Variants in SLC25A24 observed in about 807,000 individuals in gnomAD.
The protein encoded by SLC25A24 is solute carrier family 25 member 24.
SLC25A24 carries 49 observed loss-of-function variants against 60.7 expected under a neutral mutation model. The ratio of observed to expected loss-of-function variants is 0.81; its 90% CI spans 0.64 to 1.02. SLC25A24 has a LOEUF of 1.02. Ranked by LOEUF, SLC25A24 falls within the 50% of genes least tolerant of loss-of-function variation. The probability of loss-of-function intolerance (pLI) is 0.00; values close to 1 mark genes in which losing one functional copy is unlikely to be tolerated. For synonymous variants in SLC25A24, 202 were observed against 200.6 expected, an observed-to-expected ratio of 1.01 and a Z score of -0.06; for missense variants, 564 against 586.3, an observed-to-expected ratio of 0.96 and a Z score of 0.39.
chr1:108,141,652 T>C (rs1679445373), intron 8 of SLC25A24, among the ~76,000 whole-genome samples: 1 of 152,158 alleles, frequency 6.6e-6, no homozygotes, highest in Admixed American at 6.6e-5. Context: ...AAATGTGATA[T>C]ATATACCCAA....
At chr1:108,166,526 C>G (rs1167642278) in intron 3 of SLC25A24, among the ~76,000 whole-genome samples, 12 of 148,968 alleles carry the variant, frequency 8.1e-5, no homozygotes, top group East Asian at 4.0e-4. Flanking sequence ...CTTCCCTTCT[C>G]GCTTCATTTC....
At chr1:108,168,560 C>G (rs1187632553) in intron 3 of SLC25A24, among the ~76,000 whole-genome samples, 1 of 152,302 alleles carries the variant, frequency 6.6e-6, no homozygotes, top group Non-Finnish European at 1.5e-5. Flanking sequence ...ATAAGATAGT[C>G]TTGCTGTGGG....
intron 1 of SLC25A24, among the ~76,000 whole-genome samples, chr1:108,189,548 C>G (rs1306652197): frequency 6.6e-6 from 1 of 151,990 alleles, no homozygotes; most frequent in Admixed American, 6.5e-5. Context: ...CGCATGGTGG[C>G]TCACGCCTGT....
chr1:108,177,474 G>A (rs1199373860), intron 3 of SLC25A24, among the ~76,000 whole-genome samples: 1 of 152,114 alleles, frequency 6.6e-6, no homozygotes, highest in Non-Finnish European at 1.5e-5. Context: ...CAGTGTCTGA[G>A]TGGATTAAAA....
intron 6 of SLC25A24, among the ~76,000 whole-genome samples, chr1:108,153,714 T>C (rs1049992381): frequency 2.6e-5 from 4 of 152,146 alleles, no homozygotes; most frequent in African/African-American, 9.7e-5. Context: ...CACAATACTA[T>C]AAAGAGGTCT....
At chr1:108,187,538 G>C (rs1648174073) in intron 1 of SLC25A24, among the ~76,000 whole-genome samples, 1 of 152,062 alleles carries the variant, frequency 6.6e-6, no homozygotes. Flanking sequence ...AAATATGAAA[G>C]TGAGATAACA....
intron 3 of SLC25A24, among the ~76,000 whole-genome samples, chr1:108,170,891 T>C (rs1373169137): frequency 6.6e-6 from 1 of 152,116 alleles, no homozygotes; most frequent in Non-Finnish European, 1.5e-5. Flanking sequence ...TCTTCTAACT[T>C]ACTCGTCACC....
rs1317265779 is a variant in SLC25A24, at chr1:108,135,267, T to C, written c.*1386A>G. ...ATGTTTCACAAACACCAGTCCATCT[T>C]TCTCTTTGGTTCAGAAAATAAAAGA... On this transcript the variant is annotated 3_prime_UTR_variant, in exon 10 of 10. Transcript: ENST00000565488. The C allele has an allele frequency of 6.6e-6, 1 of 152,562 alleles. No individual in the cohort carries two copies. The highest frequency in any genetic ancestry group is 6.5e-5 in the Admixed American group (1 of 15,274). 9.5% of individuals were successfully genotyped at this position (152,562 alleles called of 1,614,324 possible). A position where few individuals can be genotyped will look rare whatever the true frequency, so the allele number is the denominator to read the frequency against.
At chr1:108,177,989 C>A (rs911897061) in intron 3 of SLC25A24, among the ~76,000 whole-genome samples, 4 of 152,020 alleles carry the variant, frequency 2.6e-5, no homozygotes, top group Middle Eastern at 3.2e-3. Flanking sequence ...ATGGTGAAAC[C>A]CCGTCTTTAC....
chr1:108,160,697 C>A (rs529438666), intron 4 of SLC25A24, among the ~76,000 whole-genome samples: 7 of 152,382 alleles, frequency 4.6e-5, no homozygotes, highest in Non-Finnish European at 1.0e-4. Context: ...TCTGCAATCC[C>A]AGCACCTCGG....
In SLC25A24 at chr1:108,136,064, A is replaced by G. The variant is rs1679273549; in HGVS notation, c.*589T>C. The G allele has an allele frequency of 6.6e-6, 1 of 152,236 alleles. No homozygotes were observed. The highest frequency in any genetic ancestry group is 1.5e-5 in the Non-Finnish European group (1 of 68,052). 9.4% of individuals were successfully genotyped at this position (152,236 alleles called of 1,614,324 possible). On this transcript the variant is annotated 3_prime_UTR_variant, in exon 10 of 10. Transcript: ENST00000565488. ...GGTAAAATGGAAAAGTGCCCACTGA[A>G]ATAAATATAATTTCATCACTTCCCT...
chr1:108,157,710 C>T (rs1679943333), intron 4 of SLC25A24, 90 bp from the exon 5 acceptor site: 1 of 1,399,234 alleles, frequency 7.1e-7, no homozygotes, highest in South Asian at 1.3e-5. Flanking sequence ...TGTTATTTTA[C>T]AGTTAATATG....
intron 3 of SLC25A24, among the ~76,000 whole-genome samples, chr1:108,163,834 T>C (rs184148840): frequency 4.2e-4 from 64 of 152,250 alleles, no homozygotes; most frequent in African/African-American, 1.3e-3. Flanking sequence ...CTATGTCGAA[T>C]AGGAGTGGTG....
chr1:108,195,111 A>G (rs887198522), intron 1 of SLC25A24, among the ~76,000 whole-genome samples: 13 of 152,262 alleles, frequency 8.5e-5, no homozygotes, highest in Non-Finnish European at 1.5e-4. Flanking sequence ...TAAAAAGATA[A>G]GATTTTTGAA....
At chr1:108,163,754 TC>T (rs1218691412) in intron 3 of SLC25A24, among the ~76,000 whole-genome samples, 3 of 151,812 alleles carry the variant, frequency 2.0e-5, no homozygotes, top group Non-Finnish European at 4.4e-5. Flanking sequence ...CAATTTGACT[TC>T]CTCTTTTCCT....
At position 108,135,371 on chromosome 1, in the gene SLC25A24, T is replaced by C. The variant is rs551179040; in HGVS notation, c.*1282A>G. The C allele has an allele frequency of 6.5e-6, 1 of 152,710 alleles. No homozygotes were observed. The highest frequency in any genetic ancestry group is 1.9e-4 in the East Asian group (1 of 5,190). The allele number at this position is 152,710 out of a possible 1,614,324, so 9.5% of individuals were successfully genotyped here. ...GCTGGAAATTTATAACAGAAATTAT[T>C]AGAAGTGAAATGAGTTTAAGAACTA... On this transcript the variant is annotated 3_prime_UTR_variant, in exon 10 of 10. Coordinates refer to ENST00000565488, the MANE Select transcript of SLC25A24 (RefSeq NM_013386.5).
At chr1:108,163,012 T>C (rs1437234729) in intron 3 of SLC25A24, among the ~76,000 whole-genome samples, 1 of 137,972 alleles carries the variant, frequency 7.2e-6, no homozygotes, top group African/African-American at 2.8e-5. Flanking sequence ...TTTCTACATA[T>C]GGCTAGCCAG....
intron 1 of SLC25A24, among the ~76,000 whole-genome samples, chr1:108,188,186 C>T (rs752900466): frequency 7.3e-5 from 11 of 151,578 alleles, no homozygotes; most frequent in East Asian, 1.9e-4. Flanking sequence ...GGGGTGCACA[C>T]GGATATAAAG....
intron 2 of SLC25A24, among the ~76,000 whole-genome samples, chr1:108,183,949 G>A (rs1396329295): frequency 6.6e-6 from 1 of 152,100 alleles, no homozygotes; most frequent in African/African-American, 2.4e-5. Context: ...TTACTTTGGG[G>A]ATAAATTTTA....
Sources: allele counts gnomAD v4.1 joint callset (sites outside exome capture counted in the v4.1 genomes callset), GRCh38; gene constraint gnomAD v4.1.1; transcripts MANE v1.5; gene names NCBI Gene and HGNC (gene_info 2026-07-23, HGNC 2026-07-21).